The following TRPM2 variants were observed in gnomAD, a reference collection of about 807,000 sequenced individuals.
The protein encoded by TRPM2 is transient receptor potential cation channel subfamily M member 2, also known as estrogen-responsive element-associated gene 1 protein.
Under a neutral mutation model 174.0 loss-of-function variants are expected in TRPM2, and 161 were observed. The ratio of observed to expected loss-of-function variants is 0.93; its 90% CI spans 0.81 to 1.05. TRPM2 has a LOEUF of 1.05. TRPM2 is among the 50% of genes least tolerant of loss of function. TRPM2 has a pLI of 0.00. For missense variants in TRPM2, 2,057 were observed against 2,038.0 expected (o/e 1.01, Z -0.18); for synonymous variants, 954 against 861.3 (o/e 1.11, Z -1.88).
At chr21:44,394,195 C>T (rs903353613) in intron 11 of TRPM2, among the ~76,000 whole-genome samples, 3 of 151,594 alleles carry the variant, frequency 2.0e-5, no homozygotes, top group Non-Finnish European at 2.9e-5. Context: ...TATACATTCA[C>T]GATCTGCACT....
At chr21:44,422,741 C>G (rs1268360485) in intron 22 of TRPM2, among the ~76,000 whole-genome samples, 1 of 151,222 alleles carries the variant, frequency 6.6e-6, no homozygotes. Context: ...AAGACAGAAA[C>G]CAAACATTTC....
chr21:44,377,746 G>T lies in TRPM2; in HGVS notation c.987G>T (p.Val329=), dbSNP rs755068547. ...TCAAGATCCCCATCGTGTGCGTGGTGCTGGAGGGCGGCCCGGGCACGTTGC... is the reference window on the plus strand; with the variant it reads ...TCAAGATCCCCATCGTGTGCGTGGTTCTGGAGGGCGGCCCGGGCACGTTGC... The part of the protein sequence containing the change: ...VAIKIPIVCV[V]LEGGPGTLHT... The change falls in exon 7 of 32, where the codon GTG becomes GTT. Residue 329 remains valine, a synonymous_variant. Coordinates refer to ENST00000397928, the MANE Select transcript of TRPM2 (RefSeq NM_003307.4). 4 of 1,614,090 alleles carry T rather than the reference G, an allele frequency of 2.5e-6. No individual in the cohort carries two copies. In the African/African-American group the frequency reaches 5.3e-5, roughly 22 times the overall value.
chr21:44,351,942 G>T (rs2047932587), upstream of TRPM2, among the ~76,000 whole-genome samples: 1 of 152,224 alleles, frequency 6.6e-6, no homozygotes, highest in Middle Eastern at 3.2e-3. Flanking sequence ...CTGGTCTTAA[G>T]GCAGAGAGTC....
At chr21:44,357,279 C>G (rs983011167) in intron 2 of TRPM2, among the ~76,000 whole-genome samples, 5 of 152,218 alleles carry the variant, frequency 3.3e-5, no homozygotes, top group African/African-American at 9.7e-5. Context: ...CTGCGTGCTT[C>G]TCACATGGAA....
intron 19 of TRPM2, among the ~76,000 whole-genome samples, chr21:44,407,977 C>T (rs572762739): frequency 2.6e-4 from 39 of 150,598 alleles, no homozygotes; most frequent in African/African-American, 8.8e-4. Flanking sequence ...TTCTTTTTCC[C>T]GAGAGGGAGT....
In TRPM2 at chr21:44,378,270, T is replaced by C. The variant is rs915573790; in HGVS notation, c.1014+497T>C. Among the ~76,000 whole-genome samples, 13 of 152,336 alleles carry C rather than the reference T, an allele frequency of 8.5e-5. No homozygotes were observed. The East Asian group carries it at 2.5e-3, about 29-fold the overall frequency. ...CCCGACCCTAACCCTAACTGCTTTG[T>C]GGCGTGCAGGGTGCGAGGTGACCTC... On this transcript the variant is annotated intron_variant, in intron 7 of 31. Transcript: ENST00000397928.
chr21:44,420,475 C>G (rs2050509882), intron 22 of TRPM2, among the ~76,000 whole-genome samples: 1 of 152,178 alleles, frequency 6.6e-6, no homozygotes, highest in Non-Finnish European at 1.5e-5. Flanking sequence ...AGTTCCTGGC[C>G]TGGCAGGGTT....
At chr21:44,418,664 A>T in intron 22 of TRPM2, 109 bp downstream of exon 22, 1 of 1,379,920 alleles carries the variant, frequency 7.2e-7, no homozygotes, top group Non-Finnish European at 1.0e-6. Flanking sequence ...GCAATGCCTC[A>T]CCGGTGAGGG....
At chr21:44,418,874 C>T (rs373062845) in intron 22 of TRPM2, among the ~76,000 whole-genome samples, 6 of 152,188 alleles carry the variant, frequency 3.9e-5, no homozygotes, top group Non-Finnish European at 7.3e-5. Flanking sequence ...CATGTGCACA[C>T]GGGGTCCAGG....
chr21:44,363,712 G>A (rs1409139465), intron 2 of TRPM2, among the ~76,000 whole-genome samples: 1 of 152,074 alleles, frequency 6.6e-6, no homozygotes, highest in African/African-American at 2.4e-5. Context: ...AGATTTTCCT[G>A]TCTCTTGTTA....
chr21:44,376,141 G>A lies in TRPM2; in HGVS notation c.952+128G>A, dbSNP rs2048693244. The A allele has an allele frequency of 1.8e-6, 2 of 1,114,784 alleles. No individual in the cohort carries two copies. Among genetic ancestry groups the A allele is most frequent in the African/African-American group, 1.6e-5 (1 of 63,768 alleles). The allele number at this position is 1,114,784 out of a possible 1,614,324, so 69.1% of individuals were successfully genotyped here. On this transcript the variant is annotated intron_variant, in intron 6 of 31. Coordinates refer to ENST00000397928, the MANE Select transcript of TRPM2 (RefSeq NM_003307.4). This position sits in a 1 kb window ranked among gnomAD's most constrained non-coding sequence, Gnocchi z 4.2. ...GTTTGGCAGAGAGTGCAGTGGGCTG[G>A]TCAGAGTGTCAGGTACAGCTGGTCA...
chr21:44,426,067 A>G (rs1472522621), intron 25 of TRPM2, among the ~76,000 whole-genome samples: 2 of 152,126 alleles, frequency 1.3e-5, no homozygotes, highest in African/African-American at 4.8e-5. Context: ...ACTGATCCCC[A>G]CAGAGCTCGA....
At chr21:44,433,232 G>A (rs1027845668) in intron 27 of TRPM2, among the ~76,000 whole-genome samples, 7 of 152,280 alleles carry the variant, frequency 4.6e-5, no homozygotes, top group African/African-American at 1.7e-4. Context: ...GATGGGGACA[G>A]TGAGATGACA....
intron 28 of TRPM2, among the ~76,000 whole-genome samples, chr21:44,436,155 C>T (rs2146415699): frequency 6.6e-6 from 1 of 152,332 alleles, no homozygotes; most frequent in South Asian, 2.1e-4. Context: ...AGCTGGCCCA[C>T]TGCTCTCACC....
intron 9 of TRPM2, among the ~76,000 whole-genome samples, chr21:44,389,649 G>A (rs1369006279): frequency 6.6e-6 from 1 of 152,114 alleles, no homozygotes; most frequent in African/African-American, 2.4e-5. Context: ...CTACTGATGT[G>A]GAGCATCATT....
At chr21:44,429,278 C>CTTTTTTTTTTTTTTTTTT (rs35708355) in intron 27 of TRPM2, among the ~76,000 whole-genome samples, 4 of 44,196 alleles carry the variant, frequency 9.1e-5, no homozygotes, top group Non-Finnish European at 1.2e-4. Flanking sequence ...TTTTCTTTTT[C>CTTTTTTTTTTTTTTTTTT]TTTTTTTTTT....
chr21:44,413,096 G>A (rs368752091), intron 19 of TRPM2, among the ~76,000 whole-genome samples: 2 of 151,908 alleles, frequency 1.3e-5, no homozygotes, highest in African/African-American at 2.4e-5. Context: ...TTCTATGCAC[G>A]CAGGACGCTA....
chr21:44,394,388 T>C (rs573056452), intron 11 of TRPM2, among the ~76,000 whole-genome samples: 158 of 150,280 alleles, frequency 1.1e-3, no homozygotes, highest in Non-Finnish European at 1.9e-3. Flanking sequence ...GGCGCAATCT[T>C]GGCTCACTGC....
rs1336783583 is a variant in TRPM2, at chr21:44,400,265, C to T, written c.2215C>T (p.Leu739=). 1 of 1,612,164 alleles carries T rather than the reference C, an allele frequency of 6.2e-7. No homozygotes were observed. The highest frequency in any genetic ancestry group is 1.3e-5 in the African/African-American group (1 of 74,936). The stretch of plus-strand genomic sequence containing the variant: ...AGACTGCCCCCATCCGCAGGCCTTC[C>T]TGACCAAGGTGTGGTGGGGCCAGCT... ...FVSHGGIQAF[L]TKVWWGQLSV... Residue 739 remains leucine, a synonymous_variant, in exon 15 of 32, where the codon CTG becomes TTG. Transcript: ENST00000397928.
Sources: gnomAD v4.1 joint callset for allele counts (sites outside exome capture counted in the v4.1 genomes callset) on GRCh38, gnomAD v4.1.1 for gene constraint, Gnocchi (gnomAD v3.1) non-coding constraint, MANE v1.5 for transcripts, NCBI Gene and HGNC (gene_info 2026-07-23, HGNC 2026-07-21) for gene names.